SETDB2: variants seen among roughly 807,000 people sequenced by gnomAD.
The protein encoded by SETDB2 is histone-lysine N-methyltransferase SETDB2.
A neutral mutation model predicts 82.5 loss-of-function variants in SETDB2; 56 were observed. The observed-to-expected ratio is 0.68, with a 90% confidence interval of 0.55 to 0.85. The LOEUF is 0.85. Among genes scored for constraint, SETDB2 ranks in the 40% least tolerant of loss-of-function variants. SETDB2 has a pLI of 0.00. For synonymous variants in SETDB2, 272 were observed against 284.9 expected, an observed-to-expected ratio of 0.95 and a Z score of 0.46; for missense variants, 677 against 816.4, an observed-to-expected ratio of 0.83 and a Z score of 2.08.
chr13:49,476,395 G>A, intron 5 of SETDB2, 81 bp from the exon 6 acceptor site: 1 of 916,886 alleles, frequency 1.1e-6, no homozygotes, highest in Non-Finnish European at 1.6e-6. Context: ...TGTCTAAGAA[G>A]GTAGAAAATA....
chr13:49,491,638 G>A, intron 13 of SETDB2, 94 bp from the exon 14 acceptor site: 1 of 815,944 alleles, frequency 1.2e-6, no homozygotes, highest in Non-Finnish European at 2.1e-6. Flanking sequence ...ATATTTTTGA[G>A]GATGGTTAAT....
Position 49,476,717 on chromosome 13 carries a change from T to TG in SETDB2, c.548dup (p.Cys183TrpfsTer17), listed in dbSNP as rs1344113620. 1 of 1,614,076 alleles carries TG rather than the reference T, an allele frequency of 6.2e-7. No individual in the cohort carries two copies. The highest frequency in any genetic ancestry group is 8.5e-7 in the Non-Finnish European group (1 of 1,180,040). ...ACTCCACGTGAGTTATAAAACCCCT[T>TG]GTGGAAGGAGTCTACGAAACGTGGA... On this transcript the variant is annotated frameshift_variant, in exon 6 of 14. Transcript: ENST00000611815. LOFTEE classifies it high-confidence loss of function.
chr13:49,476,484 A>G lies in SETDB2; in HGVS notation c.314A>G (p.Glu105Gly), dbSNP rs7998427. 1,080,331 of 1,560,366 alleles carry G rather than the reference A, an allele frequency of 0.69. 376,369 individuals are homozygous for G. Among genetic ancestry groups the G allele is most frequent in the East Asian group, 0.84 (37,346 of 44,390 alleles). The change falls in exon 6 of 14, where the codon GAA becomes GGA. Residue 105 changes from glutamate (E) to glycine (G), a missense_variant. Around this residue, in one of 3 missense-constraint regions of SETDB2, gnomAD observed 243 missense variants for 237.2 expected, o/e 1.02. Coordinates refer to ENST00000611815, the MANE Select transcript of SETDB2 (RefSeq NM_001160308.3). ...FPEDCTFLTTENKEILSLEDK... is the reference protein window; with the variant it reads ...FPEDCTFLTTGNKEILSLEDK... Reference sequence around the variant, plus strand: ...ATAATTTATTTTAACAGAACAACAGAAAATAAGGAAATTCTCTCTCTTGAA... The same window carrying G: ...ATAATTTATTTTAACAGAACAACAGGAAATAAGGAAATTCTCTCTCTTGAA...
Position 49,461,088 on chromosome 13 carries a change from CTT to C in SETDB2, c.143-7_143-6del, listed in dbSNP as rs1957983636. On this transcript the variant is annotated splice_region_variant and splice_polypyrimidine_tract_variant and intron_variant, in intron 3 of 13. Coordinates refer to ENST00000611815, the MANE Select transcript of SETDB2 (RefSeq NM_001160308.3). Reference sequence around the variant, plus strand: ...GGTAATGGTGATGCTGTTTTTCTGTCTTTAACAGAATACATCCAAGCAATGAT... The same window carrying C: ...GGTAATGGTGATGCTGTTTTTCTGTCTAACAGAATACATCCAAGCAATGAT... 6.2e-7 allele frequency: 1 copy of C among 1,605,364 alleles called. No homozygotes were observed. The highest frequency in any genetic ancestry group is 1.3e-5 in the African/African-American group (1 of 74,638).
chr13:49,446,864 A>G (rs1043161305), intron 1 of SETDB2, among the ~76,000 whole-genome samples: 8 of 152,212 alleles, frequency 5.3e-5, no homozygotes, highest in East Asian at 3.9e-4. Flanking sequence ...CACATGTGCT[A>G]TTTCTCTAGG....
chr13:49,471,801 G>T (rs1958247117), intron 5 of SETDB2, among the ~76,000 whole-genome samples: 1 of 150,922 alleles, frequency 6.6e-6, no homozygotes, highest in African/African-American at 2.4e-5. Context: ...GGTTGACACA[G>T]TCTCAACTCT....
At chr13:49,454,431 G>A (rs1957841343) in intron 2 of SETDB2, among the ~76,000 whole-genome samples, 1 of 151,856 alleles carries the variant, frequency 6.6e-6, no homozygotes, top group African/African-American at 2.4e-5. Context: ...AATAAAAATA[G>A]AATTTTAACC....
intron 6 of SETDB2, among the ~76,000 whole-genome samples, chr13:49,478,403 A>T (rs1958414484): frequency 6.6e-6 from 1 of 152,190 alleles, no homozygotes; most frequent in South Asian, 2.1e-4. Context: ...TAACAGCTGT[A>T]AAACCAATGG....
At chr13:49,449,563 T>G in intron 1 of SETDB2, among the ~76,000 whole-genome samples, 1 of 152,192 alleles carries the variant, frequency 6.6e-6, no homozygotes, top group Non-Finnish European at 1.5e-5. Context: ...AAGTTTTCTT[T>G]GTTCATTTTT....
At chr13:49,450,260 A>G (rs1257408421) in intron 1 of SETDB2, among the ~76,000 whole-genome samples, 1 of 150,980 alleles carries the variant, frequency 6.6e-6, no homozygotes, top group Non-Finnish European at 1.5e-5. Flanking sequence ...CCTCCTCTCC[A>G]TTTTCTCAAT....
intron 1 of SETDB2, chr13:49,446,002 G>A (rs1273649243): frequency 1.1e-5 from 2 of 188,144 alleles, no homozygotes; most frequent in African/African-American, 4.8e-5. Flanking sequence ...CCAGCACTTT[G>A]GCAGATCACT....
chr13:49,481,436 T>TG (rs71188362), intron 8 of SETDB2, among the ~76,000 whole-genome samples: 1 of 146,110 alleles, frequency 6.8e-6, no homozygotes, highest in Non-Finnish European at 1.5e-5. Flanking sequence ...TTGTTAAAAG[T>TG]AAAAAAAAAA....
chr13:49,485,428 C>T (rs888129958), intron 10 of SETDB2, among the ~76,000 whole-genome samples: 1 of 152,042 alleles, frequency 6.6e-6, no homozygotes, highest in African/African-American at 2.4e-5. Flanking sequence ...TAATAAAGCA[C>T]CTAGAAGTAG....
chr13:49,480,044 G>A (rs1275015087), intron 6 of SETDB2, among the ~76,000 whole-genome samples, 175 bp from the exon 7 acceptor site: 5 of 152,172 alleles, frequency 3.3e-5, no homozygotes, highest in African/African-American at 1.2e-4. Context: ...AAACTTTTGG[G>A]AGGTATTGTC....
At chr13:49,464,329 G>A (rs1409046688) in intron 4 of SETDB2, among the ~76,000 whole-genome samples, 1 of 152,202 alleles carries the variant, frequency 6.6e-6, no homozygotes, top group Non-Finnish European at 1.5e-5. Context: ...GGGAACTCCA[G>A]AGACAACTTC....
chr13:49,455,544 G>A (rs925103505), intron 2 of SETDB2, among the ~76,000 whole-genome samples: 1 of 152,034 alleles, frequency 6.6e-6, no homozygotes, highest in Non-Finnish European at 1.5e-5. Flanking sequence ...TATAGCTACT[G>A]ATCTCATTTT....
At chr13:49,469,610 C>T (rs532182626) in intron 5 of SETDB2, among the ~76,000 whole-genome samples, 4 of 152,132 alleles carry the variant, frequency 2.6e-5, no homozygotes, top group African/African-American at 7.2e-5. Context: ...GTAGCCTGTC[C>T]TCCTTCCCTT....
At chr13:49,448,858 A>C (rs1321301206) in intron 1 of SETDB2, among the ~76,000 whole-genome samples, 1 of 152,098 alleles carries the variant, frequency 6.6e-6, no homozygotes, top group Non-Finnish European at 1.5e-5. Context: ...CAAATTGTGG[A>C]TCTGTGCATT....
At chr13:49,466,393 A>C (rs147325621) in intron 4 of SETDB2, among the ~76,000 whole-genome samples, 19 of 152,036 alleles carry the variant, frequency 1.2e-4, no homozygotes, top group African/African-American at 3.6e-4. Flanking sequence ...TTATGATCAC[A>C]TCAACGTACT....
Sources: gnomAD v4.1 joint callset for allele counts (sites outside exome capture counted in the v4.1 genomes callset) on GRCh38, gnomAD v4.1.1 for gene constraint, gnomAD v4.1.1 regional missense constraint, MANE v1.5 for transcripts, NCBI Gene and HGNC (gene_info 2026-07-23, HGNC 2026-07-21) for gene names.